Variants in DENND1A observed in about 807,000 individuals in gnomAD.
DENND1A encodes DENN domain-containing protein 1A.
DENND1A carries 51 observed loss-of-function variants against 113.7 expected under a neutral mutation model. The observed-to-expected ratio is 0.45, with a 90% CI of 0.36 to 0.57. The LOEUF is 0.57. Ranked by LOEUF, DENND1A falls within the 20% of genes least tolerant of loss-of-function variation. DENND1A has a pLI of 0.00. For missense variants in DENND1A, 1,258 were observed against 1,395.9 expected, an observed-to-expected ratio of 0.90 and a Z score of 1.57; for synonymous variants, 565 against 570.8, an observed-to-expected ratio of 0.99 and a Z score of 0.14.
chr9:123,483,985 C>A (rs1040235652), intron 13 of DENND1A, among the ~76,000 whole-genome samples: 5 of 152,264 alleles, frequency 3.3e-5, no homozygotes, highest in Middle Eastern at 3.4e-3. Context: ...GTCTCCTGGT[C>A]ATCGGAGCCA....
chr9:123,745,937 T>C (rs1360162440), intron 5 of DENND1A, among the ~76,000 whole-genome samples: 1 of 152,140 alleles, frequency 6.6e-6, no homozygotes, highest in Non-Finnish European at 1.5e-5. Context: ...GAAGTAAGAC[T>C]GAAAATAACA....
At chr9:123,683,280 A>G (rs1057107024) in intron 5 of DENND1A, among the ~76,000 whole-genome samples, 1 of 152,226 alleles carries the variant, frequency 6.6e-6, no homozygotes, top group Admixed American at 6.5e-5. Flanking sequence ...AATCAAGAAA[A>G]ACAAGGATAG....
chr9:123,391,038 C>T (rs1229639646), intron 21 of DENND1A, among the ~76,000 whole-genome samples: 1 of 152,258 alleles, frequency 6.6e-6, no homozygotes, highest in African/African-American at 2.4e-5. Context: ...CCAACTGCCG[C>T]AGTTCAGGCC....
intron 1 of DENND1A, among the ~76,000 whole-genome samples, chr9:123,920,141 C>A (rs1436280522): frequency 6.6e-6 from 1 of 152,020 alleles, no homozygotes; most frequent in Non-Finnish European, 1.5e-5. Flanking sequence ...AATAAAAAAT[C>A]ACTTTAAGGC....
At chr9:123,870,204 T>G (rs921796417) in intron 2 of DENND1A, among the ~76,000 whole-genome samples, 3 of 152,018 alleles carry the variant, frequency 2.0e-5, no homozygotes, top group Non-Finnish European at 4.4e-5. Flanking sequence ...AATCCTGATT[T>G]ATCTGCCCCC....
chr9:123,637,910 AACACACACACACACACACACACGCAC>A (rs2061789088), intron 9 of DENND1A, among the ~76,000 whole-genome samples: 4 of 146,012 alleles, frequency 2.7e-5, no homozygotes, highest in Non-Finnish European at 6.0e-5. Context: ...GGAAGGAATA[AACACACACACACACACACACACGCAC>A]ACACACACAC....
intron 13 of DENND1A, among the ~76,000 whole-genome samples, chr9:123,545,223 G>A: frequency 6.6e-6 from 1 of 152,124 alleles, no homozygotes; most frequent in Non-Finnish European, 1.5e-5. Context: ...TTCTGGAGAA[G>A]GCTTCAATTT....
chr9:123,600,319 T>C (rs1160316169), intron 11 of DENND1A, among the ~76,000 whole-genome samples: 1 of 152,170 alleles, frequency 6.6e-6, no homozygotes, highest in African/African-American at 2.4e-5. Context: ...CAGACACCAA[T>C]CTGAGTGTTT....
chr9:123,827,895 A>T (rs1839605035), intron 2 of DENND1A, among the ~76,000 whole-genome samples: 1 of 152,228 alleles, frequency 6.6e-6, no homozygotes, highest in African/African-American at 2.4e-5. Context: ...CTTAAAAAAC[A>T]AAATTAATAT....
chr9:123,393,955 C>T (rs527541599), intron 21 of DENND1A, among the ~76,000 whole-genome samples: 1 of 150,560 alleles, frequency 6.6e-6, no homozygotes, highest in South Asian at 2.1e-4. Context: ...CTCAAGGGCT[C>T]TTGGACAAGG....
chr9:123,838,276 T>C (rs923024976), intron 2 of DENND1A, among the ~76,000 whole-genome samples: 3 of 152,176 alleles, frequency 2.0e-5, no homozygotes, highest in Non-Finnish European at 4.4e-5. Context: ...AATTAATCTC[T>C]TATGGGCTCC....
At chr9:123,457,282 C>T in intron 15 of DENND1A, 66 bp downstream of exon 15, 1 of 1,257,050 alleles carries the variant, frequency 8.0e-7, no homozygotes, top group Non-Finnish European at 1.2e-6. Context: ...CACTGCCACT[C>T]CTTGTCAAAT....
chr9:123,754,634 G>T (rs1183890545), intron 5 of DENND1A, among the ~76,000 whole-genome samples: 1 of 152,208 alleles, frequency 6.6e-6, no homozygotes, highest in East Asian at 1.9e-4. Context: ...CAAGGACAGT[G>T]ACTAGCTAAT....
At chr9:123,504,226 C>T (rs1239077211) in intron 13 of DENND1A, among the ~76,000 whole-genome samples, 3 of 152,178 alleles carry the variant, frequency 2.0e-5, no homozygotes, top group Non-Finnish European at 4.4e-5. Context: ...ACTCGCCCTT[C>T]GAGGTCCCGC....
chr9:123,391,722 G>A (rs941434129), intron 21 of DENND1A, among the ~76,000 whole-genome samples: 8 of 138,824 alleles, frequency 5.8e-5, no homozygotes, highest in African/African-American at 1.1e-4. Context: ...CATCGAAAAC[G>A]TCCAGGCTTA....
At chr9:123,551,835 C>T (rs2057065988) in intron 13 of DENND1A, among the ~76,000 whole-genome samples, 1 of 152,152 alleles carries the variant, frequency 6.6e-6, no homozygotes. Flanking sequence ...CCGCAGAAAG[C>T]ACAGATGGGG....
chr9:123,723,596 G>T (rs1338113982), intron 5 of DENND1A, among the ~76,000 whole-genome samples: 2 of 152,144 alleles, frequency 1.3e-5, no homozygotes, highest in Non-Finnish European at 2.9e-5. Context: ...TCGTGACAAT[G>T]AATAAGTCTC....
intron 13 of DENND1A, among the ~76,000 whole-genome samples, chr9:123,460,164 G>A (rs562051116): frequency 6.6e-6 from 1 of 152,212 alleles, no homozygotes; most frequent in East Asian, 1.9e-4. Context: ...TTTTGTGTAC[G>A]AGAAAAAAAC....
intron 13 of DENND1A, among the ~76,000 whole-genome samples, chr9:123,547,593 T>C (rs4836931): frequency 0.17 from 25,629 of 152,128 alleles, 2,270 homozygotes; most frequent in African/African-American, 0.2. Context: ...CTTGGTACCT[T>C]CCACCCCTAT....
Sources: allele counts gnomAD v4.1 joint callset (sites outside exome capture counted in the v4.1 genomes callset), GRCh38; gene constraint gnomAD v4.1.1; transcripts MANE v1.5; gene names NCBI Gene and HGNC (gene_info 2026-07-23, HGNC 2026-07-21).